The following CCSER1 variants were observed in gnomAD, a reference collection of about 807,000 sequenced individuals.
The protein encoded by CCSER1 is serine-rich coiled-coil domain-containing protein 1.
A neutral mutation model predicts 82.0 loss-of-function variants in CCSER1; 41 were observed. The observed-to-expected ratio is 0.50, with a 90% CI of 0.39 to 0.65. CCSER1 has a LOEUF of 0.65. Among genes scored for constraint, CCSER1 ranks in the 30% least tolerant of loss-of-function variants. The pLI is 0.00. For synonymous variants in CCSER1, 414 were observed against 383.9 expected (o/e 1.08, Z -0.92); for missense variants, 1,119 against 1,064.2 (o/e 1.05, Z -0.72).
intron 10 of CCSER1, among the ~76,000 whole-genome samples, chr4:91,339,425 ATAGT>A (rs1463860317): frequency 2.6e-5 from 4 of 152,196 alleles, no homozygotes; most frequent in African/African-American, 9.6e-5. Flanking sequence ...AAAAAACCCT[ATAGT>A]TACTTTATCC....
chr4:90,869,709 ATTTTAGGATTTTTT>A (rs1766201476), intron 8 of CCSER1, among the ~76,000 whole-genome samples: 1 of 126,300 alleles, frequency 7.9e-6, no homozygotes, highest in Non-Finnish European at 1.7e-5. Context: ...CTCCATCTAA[ATTTTAGGATTTTTT>A]TTTTTCTATT....
At chr4:90,745,682 T>A (rs1343414557) in intron 7 of CCSER1, among the ~76,000 whole-genome samples, 1 of 48,334 alleles carries the variant, frequency 2.1e-5, no homozygotes, top group African/African-American at 1.5e-4. Flanking sequence ...TTTTATCTTT[T>A]TTTTTTTTTT....
At chr4:90,609,073 A>G (rs1011490098) in intron 5 of CCSER1, among the ~76,000 whole-genome samples, 1 of 152,126 alleles carries the variant, frequency 6.6e-6, no homozygotes. Flanking sequence ...TCCTGTAGTT[A>G]TCTATAATAA....
At chr4:90,166,950 C>T (rs1730560588) in intron 1 of CCSER1, among the ~76,000 whole-genome samples, 1 of 151,630 alleles carries the variant, frequency 6.6e-6, no homozygotes, top group South Asian at 2.1e-4. Flanking sequence ...ATTTTTAATT[C>T]TTGAGATAAT....
chr4:90,388,030 A>G lies in CCSER1; in HGVS notation c.1510-12006A>G, dbSNP rs564709120. ...ACTTTGAGTTTGGCTATCTCTTGCT[A>G]GTATATCACCATGAGAAAGAAGATG... On this transcript the variant is annotated intron_variant, in intron 3 of 10. Coordinates refer to ENST00000509176, the MANE Select transcript of CCSER1 (RefSeq NM_001145065.2). 3.8e-4 allele frequency among the ~76,000 whole-genome samples: 58 copies of G among 152,304 alleles called. 1 individual carries two copies. Among genetic ancestry groups the G allele is most frequent in the Non-Finnish European group, 6.5e-4 (44 of 68,024 alleles).
intron 3 of CCSER1, among the ~76,000 whole-genome samples, chr4:90,334,787 T>C (rs1003326281): frequency 2.0e-5 from 3 of 152,290 alleles, no homozygotes; most frequent in African/African-American, 7.2e-5. Flanking sequence ...TGGCTATTTT[T>C]CTTTTATTCA....
intron 4 of CCSER1, among the ~76,000 whole-genome samples, chr4:90,467,108 C>A (rs2153587362): frequency 6.6e-6 from 1 of 152,238 alleles, no homozygotes. Context: ...TATGCGTGGG[C>A]CGGGTGCAGT....
chr4:91,386,807 T>A (rs980423897), intron 10 of CCSER1, among the ~76,000 whole-genome samples: 2 of 152,042 alleles, frequency 1.3e-5, no homozygotes, highest in African/African-American at 4.8e-5. Flanking sequence ...ATAGCCTGCA[T>A]TTAATCATGA....
At chr4:91,503,334 T>G (rs995369627) in intron 10 of CCSER1, among the ~76,000 whole-genome samples, 10 of 143,030 alleles carry the variant, frequency 7.0e-5, no homozygotes, top group Non-Finnish European at 1.4e-4. Flanking sequence ...AGAGCGATAC[T>G]CCATCTCAAA....
At chr4:91,417,711 G>C (rs979636768) in intron 10 of CCSER1, among the ~76,000 whole-genome samples, 1 of 151,670 alleles carries the variant, frequency 6.6e-6, no homozygotes, top group Non-Finnish European at 1.5e-5. Context: ...AGGGGAGAGA[G>C]AGCATCAGGA....
chr4:91,358,097 T>C (rs184775857), intron 10 of CCSER1, among the ~76,000 whole-genome samples: 194 of 152,178 alleles, frequency 1.3e-3, no homozygotes, highest in Non-Finnish European at 1.6e-3. Flanking sequence ...TAAATTAACT[T>C]ACAATTGGTT....
At chr4:90,364,446 G>A (rs1745925307) in intron 3 of CCSER1, among the ~76,000 whole-genome samples, 1 of 151,926 alleles carries the variant, frequency 6.6e-6, no homozygotes, top group Non-Finnish European at 1.5e-5. Context: ...TTAGAAGTTA[G>A]AAGAAAATTG....
intron 10 of CCSER1, among the ~76,000 whole-genome samples, chr4:91,143,259 T>G (rs1483294422): frequency 6.6e-6 from 1 of 152,086 alleles, no homozygotes; most frequent in East Asian, 1.9e-4. Context: ...ATTTGATTTT[T>G]TTTTTTTATT....
chr4:91,397,420 C>T (rs536786302), intron 10 of CCSER1, among the ~76,000 whole-genome samples: 11 of 152,138 alleles, frequency 7.2e-5, no homozygotes, highest in South Asian at 6.2e-4. Context: ...GTATTTTATG[C>T]GTGACTCAGA....
chr4:91,091,553 C>T (rs1351120913), intron 10 of CCSER1, among the ~76,000 whole-genome samples: 2 of 152,164 alleles, frequency 1.3e-5, no homozygotes, highest in African/African-American at 4.8e-5. Flanking sequence ...GAAAATAAGT[C>T]CCACGACTAT....
At chr4:90,800,798 G>A (rs937036872) in intron 7 of CCSER1, among the ~76,000 whole-genome samples, 9 of 152,030 alleles carry the variant, frequency 5.9e-5, no homozygotes, top group African/African-American at 2.2e-4. Flanking sequence ...GGGAAATTTG[G>A]TTCTCATTCT....
In CCSER1 at chr4:90,169,464, T is replaced by G. The variant is rs1731216846; in HGVS notation, c.-42+41633T>G. Among the ~76,000 whole-genome samples the G allele has an allele frequency of 2.0e-5, 3 of 152,232 alleles. No individual in the cohort carries two copies. The South Asian group carries it at 6.2e-4, about 32-fold the overall frequency. ...TCCTCTTTTCCTAACTGAATACCCT[T>G]TATTTCCTTCTCCTGCCTAATTGCC... On this transcript the variant is annotated intron_variant, in intron 1 of 10. Coordinates refer to ENST00000509176, the MANE Select transcript of CCSER1 (RefSeq NM_001145065.2).
At chr4:90,779,417 A>C (rs1753443068) in intron 7 of CCSER1, among the ~76,000 whole-genome samples, 1 of 152,200 alleles carries the variant, frequency 6.6e-6, no homozygotes, top group East Asian at 1.9e-4. Context: ...ACTTTAAAAA[A>C]AAAAAATCTG....
At chr4:90,849,525 C>T (rs1283998601) in intron 8 of CCSER1, among the ~76,000 whole-genome samples, 1 of 152,096 alleles carries the variant, frequency 6.6e-6, no homozygotes, top group East Asian at 1.9e-4. Flanking sequence ...TGTGGTGACT[C>T]ATGCCTGCAA....
Sources: allele counts gnomAD v4.1 joint callset (sites outside exome capture counted in the v4.1 genomes callset), GRCh38; gene constraint gnomAD v4.1.1; transcripts MANE v1.5; gene names NCBI Gene and HGNC (gene_info 2026-07-23, HGNC 2026-07-21).